RBFOX1: variants seen among roughly 807,000 people sequenced by gnomAD.
The protein encoded by RBFOX1 is RNA binding protein fox-1 homolog 1.
In RBFOX1, 8 loss-of-function variants were observed where a neutral mutation model predicts 57.7. That is an observed-to-expected ratio of 0.14 (90% CI 0.08 to 0.25). RBFOX1 has a LOEUF of 0.25. RBFOX1 is among the 10% of genes least tolerant of loss of function. The pLI, the probability that RBFOX1 is intolerant of heterozygous loss-of-function variation, is 1.00. For synonymous variants in RBFOX1, 326 were observed against 222.4 expected (o/e 1.47, Z -4.15); for missense variants, 611 against 548.5 (o/e 1.11, Z -1.14).
chr16:6,675,109 T>G (rs2057402155), intron 3 of RBFOX1, among the ~76,000 whole-genome samples: 3 of 152,094 alleles, frequency 2.0e-5, no homozygotes, highest in African/African-American at 7.2e-5. Flanking sequence ...TTTCACCATG[T>G]TGGCCAGGAT....
At chr16:6,460,527 A>G (rs2094893185) in intron 2 of RBFOX1, among the ~76,000 whole-genome samples, 1 of 152,178 alleles carries the variant, frequency 6.6e-6, no homozygotes, top group Admixed American at 6.5e-5. Context: ...AGAGAGATGC[A>G]AATCAAAACC....
In RBFOX1 at chr16:7,600,469, T is replaced by C. The variant is rs112011999; in HGVS notation, c.622+3038T>C. The stretch of plus-strand genomic sequence containing the variant: ...TGAAAAAATATAGGGCCCTTTCATA[T>C]CCTTAATAAGCAAGACGATAGAGTT... On this transcript the variant is annotated intron_variant, in intron 9 of 15. Coordinates refer to ENST00000550418, the MANE Select transcript of RBFOX1 (RefSeq NM_018723.4). 3.2e-3 allele frequency among the ~76,000 whole-genome samples: 485 copies of C among 152,224 alleles called. 5 individuals carry two copies. Among genetic ancestry groups the C allele is most frequent in the African/African-American group, 0.011 (461 of 41,518 alleles).
Position 6,490,522 on chromosome 16 carries a change from G to A in RBFOX1, c.-63-164081G>A, listed in dbSNP as rs532946124. Among the ~76,000 whole-genome samples the A allele has an allele frequency of 7.2e-5, 11 of 152,268 alleles. No individual in the cohort carries two copies. The East Asian group carries it at 7.7e-4, about 11-fold the overall frequency. ...TCAGCTTACCAATCTAAATTTGTAC[G>A]TTACTTAAGTGTTAGGCATAGGTAT... On this transcript the variant is annotated intron_variant, in intron 2 of 15. Transcript: ENST00000550418.
At chr16:5,986,099 G>A (rs2060281107) in intron 4 of RBFOX1, among the ~76,000 whole-genome samples, 1 of 142,536 alleles carries the variant, frequency 7.0e-6, no homozygotes. Flanking sequence ...TCTCGCTCTT[G>A]TTACCCAGGC....
At chr16:7,346,758 TA>T in intron 4 of RBFOX1, among the ~76,000 whole-genome samples, 1 of 152,282 alleles carries the variant, frequency 6.6e-6, no homozygotes, top group Admixed American at 6.5e-5. Context: ...TGAAGACCCA[TA>T]AGATTCATGA....
chr16:7,365,673 A>C (rs557614762), intron 4 of RBFOX1, among the ~76,000 whole-genome samples: 11 of 152,330 alleles, frequency 7.2e-5, no homozygotes, highest in African/African-American at 2.6e-4. Flanking sequence ...AGGGCACAGT[A>C]AAGGTACTTT....
chr16:5,558,838 A>G (rs1478522637), intron 2 of RBFOX1, among the ~76,000 whole-genome samples: 1 of 152,110 alleles, frequency 6.6e-6, no homozygotes, highest in African/African-American at 2.4e-5. Flanking sequence ...AGAAAACTAG[A>G]GCAGGAGTTC....
chr16:6,505,322 C>G (rs1345197530), intron 2 of RBFOX1, among the ~76,000 whole-genome samples: 1 of 152,038 alleles, frequency 6.6e-6, no homozygotes, highest in African/African-American at 2.4e-5. Context: ...CTCAATTGAG[C>G]TTTGTTTATA....
intron 1 of RBFOX1, among the ~76,000 whole-genome samples, chr16:5,367,782 C>T (rs540090927): frequency 6.6e-6 from 1 of 152,294 alleles, no homozygotes; most frequent in South Asian, 2.1e-4. Flanking sequence ...ATGCCTTGCC[C>T]ATGGTCCCAC....
chr16:7,457,956 C>T (rs150695299), intron 4 of RBFOX1, among the ~76,000 whole-genome samples: 4 of 152,296 alleles, frequency 2.6e-5, no homozygotes, highest in Non-Finnish European at 4.4e-5. Flanking sequence ...AGGACATTTG[C>T]ACATGCTGTT....
At chr16:7,611,334 C>A (rs1332531502) in intron 10 of RBFOX1, among the ~76,000 whole-genome samples, 2 of 151,966 alleles carry the variant, frequency 1.3e-5, no homozygotes, top group African/African-American at 2.4e-5. Flanking sequence ...GCCTTTAATC[C>A]CAGTACTTTG....
At chr16:6,270,608 G>C (rs368805525) in intron 1 of RBFOX1, among the ~76,000 whole-genome samples, 113 of 152,152 alleles carry the variant, frequency 7.4e-4, no homozygotes, top group African/African-American at 2.6e-3. Context: ...TAACTCAAAG[G>C]AGAAATGGAA....
intron 3 of RBFOX1, among the ~76,000 whole-genome samples, chr16:5,797,869 C>A (rs747574635): frequency 6.6e-6 from 1 of 152,116 alleles, no homozygotes; most frequent in African/African-American, 2.4e-5. Flanking sequence ...GGCCTTAGAA[C>A]AAGCAGGACA....
At chr16:6,555,745 A>C (rs2097089292) in intron 2 of RBFOX1, among the ~76,000 whole-genome samples, 1 of 152,102 alleles carries the variant, frequency 6.6e-6, no homozygotes, top group Non-Finnish European at 1.5e-5. Flanking sequence ...ATATCATTCC[A>C]TCTATTGTGT....
chr16:6,186,998 G>A (rs1489618601), intron 1 of RBFOX1, among the ~76,000 whole-genome samples: 3 of 152,150 alleles, frequency 2.0e-5, no homozygotes, highest in South Asian at 2.1e-4. Flanking sequence ...ATTTATCTGT[G>A]TATCTAGTCA....
chr16:6,863,307 T>C (rs1473686321), intron 3 of RBFOX1, among the ~76,000 whole-genome samples: 1 of 151,994 alleles, frequency 6.6e-6, no homozygotes, highest in Non-Finnish European at 1.5e-5. Context: ...TAGCAGCAAA[T>C]GGTCAAGATG....
intron 7 of RBFOX1, among the ~76,000 whole-genome samples, chr16:7,591,752 C>T (rs1336829382): frequency 2.6e-5 from 4 of 152,162 alleles, no homozygotes; most frequent in African/African-American, 7.2e-5. Context: ...AGCCCTTTGC[C>T]GAGCAAGCCA....
chr16:7,041,303 A>G (rs539892641), intron 3 of RBFOX1, among the ~76,000 whole-genome samples: 1 of 151,822 alleles, frequency 6.6e-6, no homozygotes, highest in African/African-American at 2.4e-5. Flanking sequence ...CTGCTTTTCC[A>G]CCATAATGGG....
chr16:7,573,532 G>A (rs191628091), intron 5 of RBFOX1, among the ~76,000 whole-genome samples: 3 of 152,056 alleles, frequency 2.0e-5, no homozygotes, highest in African/African-American at 7.2e-5. Flanking sequence ...TCTCACTTTA[G>A]AGCCAAACAT....
Sources: gnomAD v4.1 joint callset for allele counts (sites outside exome capture counted in the v4.1 genomes callset) on GRCh38, gnomAD v4.1.1 for gene constraint, MANE v1.5 for transcripts, NCBI Gene and HGNC (gene_info 2026-07-23, HGNC 2026-07-21) for gene names.